Variants in DHRS9 observed in about 807,000 individuals in gnomAD.
DHRS9 encodes the protein dehydrogenase/reductase SDR family member 9.
A neutral mutation model predicts 26.6 loss-of-function variants in DHRS9; 18 were observed. That is an observed-to-expected ratio of 0.68 (90% confidence interval 0.47 to 1.00). The LOEUF is 1.00. DHRS9 is among the 50% of genes least tolerant of loss of function. The pLI is 0.00. For synonymous variants in DHRS9, 134 were observed against 141.1 expected, an observed-to-expected ratio of 0.95 and a Z score of 0.36; for missense variants, 425 against 378.7, an observed-to-expected ratio of 1.12 and a Z score of -1.01.
chr2:169,090,877 C>T (rs1684499335), intron 3 of DHRS9, among the ~76,000 whole-genome samples: 2 of 152,168 alleles, frequency 1.3e-5, no homozygotes, highest in South Asian at 4.1e-4. Flanking sequence ...CGATGCTGTG[C>T]AGTGGCAGTA....
intron 3 of DHRS9, among the ~76,000 whole-genome samples, chr2:169,087,290 G>A (rs1276492051): frequency 6.6e-6 from 1 of 152,172 alleles, no homozygotes; most frequent in East Asian, 1.9e-4. Flanking sequence ...AGTATTGCCT[G>A]GCTATGACCA....
intron 4 of DHRS9, among the ~76,000 whole-genome samples, chr2:169,093,254 G>A (rs1396069313): frequency 6.6e-6 from 1 of 152,036 alleles, no homozygotes; most frequent in African/African-American, 2.4e-5. Flanking sequence ...GAGTTTTCAA[G>A]GCAGAGCTGA....
intron 4 of DHRS9, among the ~76,000 whole-genome samples, chr2:169,094,255 C>A (rs905544555): frequency 3.3e-5 from 5 of 152,070 alleles, no homozygotes; most frequent in Admixed American, 2.6e-4. Flanking sequence ...TGTTCAGATT[C>A]TCTTCCCATT....
chr2:169,068,805 A>G (rs1471862782), upstream of DHRS9, among the ~76,000 whole-genome samples: 1 of 152,214 alleles, frequency 6.6e-6, no homozygotes, highest in Non-Finnish European at 1.5e-5. Flanking sequence ...AAAAATCAGC[A>G]AAGTGGTATT....
At position 169,091,939 on chromosome 2, in the gene DHRS9, G is replaced by T; in HGVS notation, c.722G>T (p.Gly241Val). The T allele has an allele frequency of 6.2e-7, 1 of 1,613,700 alleles. No homozygotes were observed. Among genetic ancestry groups the T allele is most frequent in the Non-Finnish European group, 8.5e-7 (1 of 1,179,870 alleles). ...GACATCAAACAACAATATGGAGAAGGTTACATTGAAAAAAGTGAGTTTCCG... is the reference window on the plus strand; with the variant it reads ...GACATCAAACAACAATATGGAGAAGTTTACATTGAAAAAAGTGAGTTTCCG... ...SPDIKQQYGEGYIEKSLDKLK... is the reference protein window; with the variant it reads ...SPDIKQQYGEVYIEKSLDKLK... The change falls in exon 4 of 5, where the codon GGT (glycine) becomes GTT (valine). Residue 241 changes from glycine (G) to valine (V), a missense_variant. By Grantham distance (109) the Gly-to-Val change is moderately radical (BLOSUM62 -3). Coordinates refer to ENST00000674881, the MANE Select transcript of DHRS9 (RefSeq NM_001376924.1).
Position 169,081,746 on chromosome 2 carries a change from T to G in DHRS9, c.165T>G (p.His55Gln). The change falls in exon 2 of 5, where the codon CAT becomes CAG. Residue 55 changes from histidine to glutamine, a missense_variant. His to Gln is a conservative substitution (Grantham distance 24). Coordinates refer to ENST00000674881, the MANE Select transcript of DHRS9 (RefSeq NM_001376924.1). ...AARTFDKKGF[H>Q]VIAACLTESG... ...GAACTTTTGATAAAAAGGGATTTCA[T>G]GTAATCGCTGCCTGTCTGACTGAAT... 6 of 1,614,216 alleles carry G rather than the reference T, an allele frequency of 3.7e-6. No individual in the cohort carries two copies. The highest frequency in any genetic ancestry group is 5.1e-6 in the Non-Finnish European group (6 of 1,180,038).
rs140240668 is a variant in DHRS9, at chr2:169,083,549, A to G, written c.534A>G (p.Pro178=). 9 of 1,614,114 alleles carry G rather than the reference A, an allele frequency of 5.6e-6. No homozygotes were observed. The African/African-American group carries it at 1.1e-4, about 19-fold the overall frequency. Residue 178 remains proline (P), a synonymous_variant, in exon 3 of 5, where the codon CCA becomes CCG. Transcript: ENST00000674881. ...RLAIVGGGYT[P]SKYAVEGFND... ...CAATCGTTGGAGGGGGCTATACTCCATCCAAATATGCAGTGGAAGGTTTCA... is the reference window on the plus strand; with the variant it reads ...CAATCGTTGGAGGGGGCTATACTCCGTCCAAATATGCAGTGGAAGGTTTCA...
chr2:169,072,651 TG>T, intron 1 of DHRS9: 1 of 985,482 alleles, frequency 1.0e-6, no homozygotes, highest in Non-Finnish European at 1.2e-6. Flanking sequence ...TTCCTTTGGC[TG>T]CTGACAGGCA....
At chr2:169,077,937 A>G (rs1684013034) in intron 1 of DHRS9, among the ~76,000 whole-genome samples, 1 of 152,220 alleles carries the variant, frequency 6.6e-6, no homozygotes, top group Non-Finnish European at 1.5e-5. Context: ...CAGATGTCAG[A>G]TGTTGCTTTT....
intron 1 of DHRS9, chr2:169,070,319 C>T (rs1683761202): frequency 2.0e-6 from 2 of 985,400 alleles, no homozygotes; most frequent in Non-Finnish European, 2.4e-6. Flanking sequence ...TAGATATTTA[C>T]TCCCCATTTT....
intron 1 of DHRS9, among the ~76,000 whole-genome samples, chr2:169,075,926 A>T (rs113819561): frequency 6.6e-6 from 1 of 152,056 alleles, no homozygotes; most frequent in Non-Finnish European, 1.5e-5. Flanking sequence ...TAAAATTACC[A>T]TTATTCTCTC....
chr2:169,070,332 G>C, intron 1 of DHRS9: 1 of 985,416 alleles, frequency 1.0e-6, no homozygotes, highest in Non-Finnish European at 1.2e-6. Flanking sequence ...CCCATTTTAT[G>C]ATCCGGTGGT....
chr2:169,067,083 G>T, upstream of DHRS9: 1 of 1,529,022 alleles, frequency 6.5e-7, no homozygotes, highest in South Asian at 1.2e-5. Context: ...CTTCATAGCA[G>T]CTTATAGTCG....
chr2:169,071,288 T>C (rs1381323468), intron 1 of DHRS9, among the ~76,000 whole-genome samples: 1 of 152,220 alleles, frequency 6.6e-6, no homozygotes, highest in Non-Finnish European at 1.5e-5. Flanking sequence ...AAAGTAATCA[T>C]AGCTTTAACA....
At chr2:169,085,271 T>C (rs1019983875) in intron 3 of DHRS9, among the ~76,000 whole-genome samples, 4 of 152,176 alleles carry the variant, frequency 2.6e-5, no homozygotes, top group African/African-American at 9.6e-5. Flanking sequence ...GTAATGTGAT[T>C]CCTCCAGTTT....
chr2:169,077,189 T>C (rs891778190), intron 1 of DHRS9, among the ~76,000 whole-genome samples: 42 of 152,234 alleles, frequency 2.8e-4, no homozygotes, highest in African/African-American at 9.6e-4. Context: ...TGGTGGAGGC[T>C]TGGATTTTAT....
chr2:169,070,683 A>G, intron 1 of DHRS9: 1 of 984,486 alleles, frequency 1.0e-6, no homozygotes, highest in Non-Finnish European at 1.2e-6. Flanking sequence ...CAAAAAAATC[A>G]TTAACTCATA....
chr2:169,090,083 G>A (rs1444421335), intron 3 of DHRS9, among the ~76,000 whole-genome samples: 1 of 152,178 alleles, frequency 6.6e-6, no homozygotes, highest in Non-Finnish European at 1.5e-5. Context: ...AATCAATAAA[G>A]AGTATTTTTC....
intron 4 of DHRS9, among the ~76,000 whole-genome samples, chr2:169,094,226 T>C (rs1200597228): frequency 6.6e-6 from 1 of 152,220 alleles, no homozygotes; most frequent in Admixed American, 6.5e-5. Context: ...GCCATTTGTA[T>C]CTTCTTTTGA....
Sources: allele counts gnomAD v4.1 joint callset (sites outside exome capture counted in the v4.1 genomes callset), GRCh38; gene constraint gnomAD v4.1.1; transcripts MANE v1.5; gene names NCBI Gene and HGNC (gene_info 2026-07-23, HGNC 2026-07-21).